EXD3: variants seen among roughly 807,000 people sequenced by gnomAD.
The protein encoded by EXD3 is exonuclease mut-7 homolog.
Under a neutral mutation model 98.0 loss-of-function variants are expected in EXD3, and 92 were observed. The ratio of observed to expected loss-of-function variants is 0.94; its 90% confidence interval spans 0.79 to 1.12. The LOEUF is 1.12. EXD3 is among the 50% of genes most tolerant of loss of function. The pLI, the probability that EXD3 is intolerant of heterozygous loss-of-function variation, is 0.00. For missense variants in EXD3, 1,222 were observed against 1,191.6 expected (o/e 1.03, Z -0.38); for synonymous variants, 569 against 526.0 (o/e 1.08, Z -1.12).
At position 137,354,220 on chromosome 9, in the gene EXD3, T is replaced by A. The variant is rs1377929933; in HGVS notation, c.870+119A>T. On this transcript the variant is annotated intron_variant, in intron 10 of 21. Transcript: ENST00000340951. The stretch of plus-strand genomic sequence containing the variant: ...ACACGCCCCAACATGGGGTCTGGGC[T>A]CAGCAGCCCCAGCGAAGGCCTCAGC... The A allele has an allele frequency of 1.9e-5, 28 of 1,498,884 alleles. No homozygotes were observed. The Admixed American group carries it at 5.4e-4, about 29-fold the overall frequency. The allele number at this position is 1,498,884 out of a possible 1,614,324, so 92.8% of individuals were successfully genotyped here.
At chr9:137,387,503 C>G (rs1470987725) in intron 2 of EXD3, among the ~76,000 whole-genome samples, 1 of 152,160 alleles carries the variant, frequency 6.6e-6, no homozygotes, top group Non-Finnish European at 1.5e-5. Flanking sequence ...GTTCATACAA[C>G]AGAAGAAAAA....
chr9:137,324,019 G>A lies in EXD3; in HGVS notation c.2052+71C>T. The A allele has an allele frequency of 6.5e-7, 1 of 1,538,562 alleles. No individual in the cohort carries two copies. Among genetic ancestry groups the A allele is most frequent in the South Asian group, 1.2e-5 (1 of 83,560 alleles). ...CCACGGCAAGCTGACCCTGAGGTGG[G>A]GGTGGCCGAGGGGCTGGGGGCTTGG... On this transcript the variant is annotated intron_variant, in intron 18 of 21. Coordinates refer to ENST00000340951, the MANE Select transcript of EXD3 (RefSeq NM_017820.5). This position sits in a 1 kb window ranked among gnomAD's most constrained non-coding sequence, Gnocchi z 4.1.
chr9:137,352,688 G>A lies in EXD3; in HGVS notation c.969C>T (p.Leu323=). 1 of 1,559,164 alleles carries A rather than the reference G, an allele frequency of 6.4e-7. No homozygotes were observed. Among genetic ancestry groups the A allele is most frequent in the East Asian group, 2.4e-5 (1 of 41,610 alleles). Residue 323 remains leucine, a synonymous_variant, in exon 11 of 22, where the codon CTC becomes CTT. Coordinates refer to ENST00000340951, the MANE Select transcript of EXD3 (RefSeq NM_017820.5). Reference sequence around the variant, plus strand: ...CCGGCAGCCGCTCCTCGGGCAGCAAGAGTTCCATGGCACACTGGGCGGCCG... The same window carrying A: ...CCGGCAGCCGCTCCTCGGGCAGCAAAAGTTCCATGGCACACTGGGCGGCCG... ...PVTAAQCAME[L]LLPEERLPAA... is the part of the protein sequence containing the mutation.
At chr9:137,408,498 G>C (rs1319841742) in intron 1 of EXD3, among the ~76,000 whole-genome samples, 2 of 139,374 alleles carry the variant, frequency 1.4e-5, no homozygotes, top group Non-Finnish European at 3.0e-5. Flanking sequence ...AGTGAGCCGA[G>C]ATCGCACCAC....
rs1831084571 is a variant in EXD3 at position 137,307,133 on chromosome 9, G to A, written c.2448C>T (p.Val816=). The A allele has an allele frequency of 6.2e-7, 1 of 1,601,162 alleles. No homozygotes were observed. ...ADGTRLQLAG[V]PVGVLRTPGL... is the part of the protein sequence containing the mutation. Reference sequence around the variant, plus strand: ...CAGGTGTCCTCAGCACACCCACCGGGACCCCTGCCAGCTGCAGCCGGGTGC... The same window carrying A: ...CAGGTGTCCTCAGCACACCCACCGGAACCCCTGCCAGCTGCAGCCGGGTGC... The change falls in exon 22 of 22, where the codon GTC becomes GTT. Residue 816 remains valine, a synonymous_variant. Coordinates refer to ENST00000340951, the MANE Select transcript of EXD3 (RefSeq NM_017820.5).
In EXD3 at chr9:137,352,702, A is replaced by C; in HGVS notation, c.955T>G (p.Cys319Gly). The change falls in exon 11 of 22, where the codon TGT becomes GGT. Residue 319 changes from cysteine to glycine, a missense_variant. Coordinates refer to ENST00000340951, the MANE Select transcript of EXD3 (RefSeq NM_017820.5). ...SHSDPVTAAQCAMELLLPEER... is the reference protein window; with the variant it reads ...SHSDPVTAAQGAMELLLPEER... ...TCGGGCAGCAAGAGTTCCATGGCACACTGGGCGGCCGTGACTGGGTCACTG... is the reference window on the plus strand; with the variant it reads ...TCGGGCAGCAAGAGTTCCATGGCACCCTGGGCGGCCGTGACTGGGTCACTG... The C allele has an allele frequency of 6.4e-7, 1 of 1,564,808 alleles. No individual in the cohort carries two copies. The highest frequency in any genetic ancestry group is 1.7e-4 in the Middle Eastern group (1 of 5,976).
At chr9:137,318,340 C>G (rs1305437649) in intron 19 of EXD3, among the ~76,000 whole-genome samples, 4 of 152,260 alleles carry the variant, frequency 2.6e-5, no homozygotes, top group East Asian at 3.9e-4. Flanking sequence ...CTCGTCCCCC[C>G]CATAATGGCC....
rs1303183768 is a variant in EXD3 at position 137,351,352 on chromosome 9, G to T, written c.1350C>A (p.Ala450=). ...TGATAGAGGGGTCCGAGAGGAGCTG[G>T]GCCACCAGCCGGGAAAAGGCCTGGG... ...QGAQAFSRLV[A]QLLSDPSITK... is the part of the protein sequence containing the mutation. The change falls in exon 13 of 22, where the codon GCC becomes GCA. Residue 450 remains alanine, a synonymous_variant. Transcript: ENST00000340951. The T allele has an allele frequency of 6.2e-7, 1 of 1,611,972 alleles. No individual in the cohort carries two copies. Among genetic ancestry groups the T allele is most frequent in the Non-Finnish European group, 8.5e-7 (1 of 1,179,610 alleles).
In EXD3 at chr9:137,342,928, C is replaced by T. The variant is rs542059927; in HGVS notation, c.1998+5143G>A. Among the ~76,000 whole-genome samples the T allele has an allele frequency of 4.6e-5, 7 of 152,174 alleles. No homozygotes were observed. The East Asian group carries it at 7.7e-4, about 17-fold the overall frequency. On this transcript the variant is annotated intron_variant, in intron 17 of 21. Coordinates refer to ENST00000340951, the MANE Select transcript of EXD3 (RefSeq NM_017820.5). ...CAAGGTCGGGAGATCGAGACCATCCCGGCCAACATGGTGAAACCCCGTCTC... is the reference window on the plus strand; with the variant it reads ...CAAGGTCGGGAGATCGAGACCATCCTGGCCAACATGGTGAAACCCCGTCTC...
At chr9:137,382,612 G>A (rs528879149) in intron 3 of EXD3, among the ~76,000 whole-genome samples, 1 of 152,318 alleles carries the variant, frequency 6.6e-6, no homozygotes, top group African/African-American at 2.4e-5. Context: ...CAGGAGAGAG[G>A]CAGACACAGG....
intron 14 of EXD3, among the ~76,000 whole-genome samples, chr9:137,350,717 G>T (rs1344051015): frequency 4.0e-5 from 6 of 150,754 alleles, no homozygotes; most frequent in Non-Finnish European, 7.4e-5. Flanking sequence ...CGGGGAGGGG[G>T]CTAGATAGAG....
chr9:137,309,895 G>C (rs867431988), intron 19 of EXD3, among the ~76,000 whole-genome samples, 195 bp from the exon 20 acceptor site: 1 of 152,226 alleles, frequency 6.6e-6, no homozygotes, highest in Non-Finnish European at 1.5e-5. Context: ...CTCCCTGACT[G>C]TGCTGGCTTC....
intron 1 of EXD3, among the ~76,000 whole-genome samples, chr9:137,398,589 A>ACCGCGTCCCCAAGACACACAGGCAC (rs1564208440): frequency 2.2e-4 from 24 of 110,040 alleles, no homozygotes; most frequent in Admixed American, 3.6e-4. Context: ...CACACAGGCA[A>ACCGCGTCCCCAAGACACACAGGCAC]CCGCGTCCCC....
intron 5 of EXD3, 128 bp from the exon 6 acceptor site, chr9:137,368,117 G>T: frequency 1.4e-6 from 1 of 737,448 alleles, no homozygotes; most frequent in Non-Finnish European, 2.2e-6. Flanking sequence ...GCCTTCCCGT[G>T]TTCAGCCACG....
chr9:137,418,298 C>T (rs1042716497), intron 1 of EXD3, among the ~76,000 whole-genome samples: 3 of 152,050 alleles, frequency 2.0e-5, no homozygotes, highest in East Asian at 1.9e-4. Flanking sequence ...CAGTGAGAGC[C>T]GAGACTGCGC....
intron 7 of EXD3, among the ~76,000 whole-genome samples, chr9:137,358,049 A>C (rs1490905007): frequency 6.6e-6 from 1 of 152,022 alleles, no homozygotes; most frequent in South Asian, 2.1e-4. Flanking sequence ...ACTCAGTCGG[A>C]GGTGAATCTC....
At chr9:137,381,284 C>T (rs61496574) in intron 3 of EXD3, 23,779 of 148,714 alleles carry the variant, frequency 0.16, 2,092 homozygotes, top group African/African-American at 0.24. Flanking sequence ...GGCGTGGTGG[C>T]GCGCGCCTGT....
In EXD3 at chr9:137,349,158, C is replaced by T; in HGVS notation, c.1782G>A (p.Arg594=). The T allele has an allele frequency of 1.3e-6, 2 of 1,596,756 alleles. No homozygotes were observed. The highest frequency in any genetic ancestry group is 8.5e-7 in the Non-Finnish European group (1 of 1,177,528). The part of the protein sequence containing the change: ...RPRHRERPGA[R]KPPGLQKASA... ...ACGCTTTCTGCAGGCCGGGTGGCTT[C>T]CGTGCCCCTGGTCTCTCTCTGTGCC... Residue 594 remains arginine (R), a synonymous_variant, in exon 16 of 22, where the codon CGG becomes CGA. Transcript: ENST00000340951. This position sits in a 1 kb window ranked among gnomAD's most constrained non-coding sequence, Gnocchi z 7.4.
At chr9:137,391,571 A>ACCCCACCG (rs1433130155) in intron 2 of EXD3, among the ~76,000 whole-genome samples, 42 of 57,558 alleles carry the variant, frequency 7.3e-4, no homozygotes, top group African/African-American at 2.7e-3. Context: ...TCCCCGCCCC[A>ACCCCACCG]CCCCACCGCC....
Sources: gnomAD v4.1 joint callset for allele counts (sites outside exome capture counted in the v4.1 genomes callset) on GRCh38, gnomAD v4.1.1 for gene constraint, Gnocchi (gnomAD v3.1) non-coding constraint, MANE v1.5 for transcripts, NCBI Gene and HGNC (gene_info 2026-07-23, HGNC 2026-07-21) for gene names.